CNTLN: variants seen among roughly 807,000 people sequenced by gnomAD.
CNTLN encodes centlein.
A neutral mutation model predicts 180.0 loss-of-function variants in CNTLN; 212 were observed. The ratio of observed to expected loss-of-function variants is 1.18; its 90% CI spans 1.05 to 1.32. The LOEUF (loss-of-function observed/expected upper bound fraction) is 1.32. Ranked by LOEUF, CNTLN falls within the 40% of genes most tolerant of loss-of-function variation. The probability of loss-of-function intolerance (pLI) is 0.00; values close to 1 mark genes in which losing one functional copy is unlikely to be tolerated. For synonymous variants in CNTLN, 722 were observed against 563.1 expected (o/e 1.28, Z -3.99); for missense variants, 2,095 against 1,610.9 (o/e 1.30, Z -5.14).
intron 2 of CNTLN, among the ~76,000 whole-genome samples, chr9:17,180,226 G>A (rs931245434): frequency 4.9e-5 from 6 of 122,618 alleles, no homozygotes; most frequent in Admixed American, 2.4e-4. Flanking sequence ...TGCTATCTCT[G>A]TTTTTTTTTT....
Position 17,457,576 on chromosome 9 carries a change from A to G in CNTLN, c.3167A>G (p.Lys1056Arg). Reference protein sequence around the residue: ...GLRKEKEDLLKKLESSSEITS... With the variant: ...GLRKEKEDLLRKLESSSEITS... ...CGGAAAGAAAAAGAAGATTTACTAA[A>G]GAAATTGGAGTCCTCATCTGAAATC... Residue 1056 changes from lysine (K) to arginine (R), a missense_variant, in exon 19 of 26, where the codon AAG becomes AGG. By Grantham distance (26) the Lys-to-Arg change is conservative (BLOSUM62 2). Coordinates refer to ENST00000380647, the MANE Select transcript of CNTLN (RefSeq NM_017738.4). 1 of 1,539,712 alleles carries G rather than the reference A, an allele frequency of 6.5e-7. No homozygotes were observed. The highest frequency in any genetic ancestry group is 8.8e-7 in the Non-Finnish European group (1 of 1,141,612).
At chr9:17,501,260 G>C (rs1194202785) in intron 25 of CNTLN, among the ~76,000 whole-genome samples, 1 of 152,222 alleles carries the variant, frequency 6.6e-6, no homozygotes, top group Non-Finnish European at 1.5e-5. Flanking sequence ...CTAGGGAACA[G>C]ACACAGACTC....
In CNTLN at chr9:17,484,367, A is replaced by C; in HGVS notation, c.3928A>C (p.Lys1310Gln). ...AATAAGAGAGCTTAAAAAAATGAAG[A>C]AAAACAGGGACGCCTGTAAAACCTC... is the stretch of plus-strand genomic sequence containing the variant. ...RQIRELKKMK[K>Q]NRDACKTSTH... The change falls in exon 24 of 26, where the codon AAA becomes CAA. Residue 1310 changes from lysine (K) to glutamine (Q), a missense_variant. Physicochemically the swap from Lys to Gln is moderately conservative, Grantham distance 53. Transcript: ENST00000380647. 4 of 1,612,494 alleles carry C rather than the reference A, an allele frequency of 2.5e-6. No individual in the cohort carries two copies. The highest frequency in any genetic ancestry group is 3.4e-6 in the Non-Finnish European group (4 of 1,179,414).
Position 17,184,632 on chromosome 9 carries a change from C to T in CNTLN, c.449+41256C>T, listed in dbSNP as rs1821320955. On this transcript the variant is annotated intron_variant, in intron 2 of 25. Coordinates refer to ENST00000380647, the MANE Select transcript of CNTLN (RefSeq NM_017738.4). Reference sequence around the variant, plus strand: ...TTACTATGATCGTGACTACAGTTGCCATTGCCATTGTGAATTGGCTTCATT... The same window carrying T: ...TTACTATGATCGTGACTACAGTTGCTATTGCCATTGTGAATTGGCTTCATT... Among the ~76,000 whole-genome samples the T allele has an allele frequency of 3.3e-5, 5 of 152,232 alleles. No individual in the cohort carries two copies. The South Asian group carries it at 1.0e-3, about 32-fold the overall frequency.
chr9:17,193,326 A>G (rs538525145), intron 2 of CNTLN, among the ~76,000 whole-genome samples: 3 of 152,350 alleles, frequency 2.0e-5, no homozygotes, highest in Admixed American at 2.0e-4. Context: ...CATCTGAGAC[A>G]AGACAAATCC....
At chr9:17,426,273 T>C (rs1829077662) in intron 18 of CNTLN, among the ~76,000 whole-genome samples, 1 of 152,184 alleles carries the variant, frequency 6.6e-6, no homozygotes, top group Admixed American at 6.5e-5. Context: ...TATTGCCATG[T>C]TGCCACTCCC....
chr9:17,392,798 TA>T (rs34336861), intron 14 of CNTLN, among the ~76,000 whole-genome samples: 29 of 145,870 alleles, frequency 2.0e-4, no homozygotes, highest in African/African-American at 3.2e-4. Context: ...GGTTGAACAT[TA>T]AAAAAAAAAG....
chr9:17,156,601 A>C (rs1819309393), intron 2 of CNTLN, among the ~76,000 whole-genome samples: 1 of 152,144 alleles, frequency 6.6e-6, no homozygotes, highest in African/African-American at 2.4e-5. Context: ...TCTGTACCCT[A>C]TAGTTGCCAT....
chr9:17,483,040 C>T (rs1034179316), intron 23 of CNTLN, among the ~76,000 whole-genome samples: 17 of 151,726 alleles, frequency 1.1e-4, no homozygotes, highest in African/African-American at 4.1e-4. Context: ...TGAATACATA[C>T]AAAATTAAAA....
At chr9:17,271,043 C>T (rs1379114738) in intron 5 of CNTLN, among the ~76,000 whole-genome samples, 5 of 150,622 alleles carry the variant, frequency 3.3e-5, no homozygotes, top group East Asian at 2.0e-4. Context: ...CTCAGCCTTC[C>T]GGGTTCACAC....
chr9:17,194,919 G>C (rs746641182), intron 2 of CNTLN, among the ~76,000 whole-genome samples: 3 of 152,182 alleles, frequency 2.0e-5, no homozygotes, highest in Admixed American at 6.5e-5. Flanking sequence ...AAATGAGGAA[G>C]ATGCAAAAGC....
chr9:17,339,108 A>G (rs950744412), intron 10 of CNTLN, among the ~76,000 whole-genome samples: 6 of 152,188 alleles, frequency 3.9e-5, no homozygotes, highest in Admixed American at 3.9e-4. Context: ...TTTTTCATCA[A>G]GCACTTTCAT....
intron 2 of CNTLN, among the ~76,000 whole-genome samples, chr9:17,155,693 C>T (rs1328374062): frequency 1.3e-5 from 2 of 152,066 alleles, no homozygotes; most frequent in African/African-American, 4.8e-5. Flanking sequence ...ATCTTGGTTT[C>T]TTGGGCTCAG....
chr9:17,522,827 T>C, the CNTLN span, among the ~76,000 whole-genome samples: 1 of 152,176 alleles, frequency 6.6e-6, no homozygotes, highest in African/African-American at 2.4e-5. Flanking sequence ...CCACCTTGAT[T>C]TTCCATTCAC....
chr9:17,167,926 G>C (rs1255852239), intron 2 of CNTLN: 2 of 151,656 alleles, frequency 1.3e-5, no homozygotes, highest in African/African-American at 4.8e-5. Context: ...AACTCACAGA[G>C]AGGGGCTCCC....
rs940105477 is a variant in CNTLN at position 17,261,242 on chromosome 9, G to A, written c.850-12491G>A. ...TTGGTAGTTTGGTAAGAATAGCATC[G>A]AATTTGTAGATTCCTTCATGGAGTA... is the stretch of plus-strand genomic sequence containing the variant. On this transcript the variant is annotated intron_variant, in intron 5 of 25. Coordinates refer to ENST00000380647, the MANE Select transcript of CNTLN (RefSeq NM_017738.4). Among the ~76,000 whole-genome samples the A allele has an allele frequency of 4.0e-4, 60 of 151,364 alleles. 2 individuals are homozygous for A. Among genetic ancestry groups the A allele is most frequent in the African/African-American group, 1.2e-3 (50 of 40,824 alleles).
At chr9:17,318,829 C>G (rs1563990121) in intron 8 of CNTLN, among the ~76,000 whole-genome samples, 1 of 151,588 alleles carries the variant, frequency 6.6e-6, no homozygotes, top group East Asian at 1.9e-4. Flanking sequence ...CCTCTTCATC[C>G]ATCCTTTATT....
At chr9:17,514,117 A>T in the CNTLN span, among the ~76,000 whole-genome samples, 1 of 151,578 alleles carries the variant, frequency 6.6e-6, no homozygotes, top group East Asian at 1.9e-4. Flanking sequence ...AGACCAGCCT[A>T]GGCAACATAG....
In CNTLN at chr9:17,473,586, A is replaced by G. The variant is rs896000430; in HGVS notation, c.3855+6695A>G. Among the ~76,000 whole-genome samples, 7 of 144,778 alleles carry G rather than the reference A, an allele frequency of 4.8e-5. 1 individual carries two copies. The highest frequency in any genetic ancestry group is 4.8e-4 in the Admixed American group (7 of 14,586). The allele number at this position is 144,778 out of a possible 152,430, so 95.0% of individuals were successfully genotyped here. On this transcript the variant is annotated intron_variant, in intron 23 of 25. Transcript: ENST00000380647. Reference sequence around the variant, plus strand: ...TCACTTTCATTAGCAAACACACACCATTTACCAAAAAAAAAAAAAACAAAA... The same window carrying G: ...TCACTTTCATTAGCAAACACACACCGTTTACCAAAAAAAAAAAAAACAAAA...
Sources: allele counts gnomAD v4.1 joint callset (sites outside exome capture counted in the v4.1 genomes callset), GRCh38; gene constraint gnomAD v4.1.1; transcripts MANE v1.5; gene names NCBI Gene and HGNC (gene_info 2026-07-23, HGNC 2026-07-21).